Variants in CACNG7 observed in about 807,000 individuals in gnomAD.
The protein encoded by CACNG7 is voltage-dependent calcium channel gamma-7 subunit.
Under a neutral mutation model 26.3 loss-of-function variants are expected in CACNG7, and 9 were observed. The ratio of observed to expected loss-of-function variants is 0.34; its 90% CI spans 0.21 to 0.60. The LOEUF (loss-of-function observed/expected upper bound fraction) is 0.60. Ranked by LOEUF, CACNG7 falls within the 20% of genes least tolerant of loss-of-function variation. The probability of loss-of-function intolerance (pLI) is 0.81; values close to 1 mark genes in which losing one functional copy is unlikely to be tolerated. For missense variants in CACNG7, 297 were observed against 380.4 expected, an observed-to-expected ratio of 0.78 and a Z score of 1.82; for synonymous variants, 170 against 157.0, an observed-to-expected ratio of 1.08 and a Z score of -0.62.
chr19:53,921,273 T>TTGGTGGAGTTGCCCCAGGTCTGGTCAG (rs2068947770), intron 4 of CACNG7, among the ~76,000 whole-genome samples: 1 of 134,400 alleles, frequency 7.4e-6, no homozygotes, highest in African/African-American at 3.3e-5. Flanking sequence ...GGTCTGGTCA[T>TTGGTGGAGTTGCCCCAGGTCTGGTCAG]TGGTGGAGTT....
At chr19:53,928,953 A>T (rs1413033508) in intron 4 of CACNG7, among the ~76,000 whole-genome samples, 1 of 151,876 alleles carries the variant, frequency 6.6e-6, no homozygotes, top group Non-Finnish European at 1.5e-5. Context: ...TACTAAAAAT[A>T]CAAAAATTAG....
Position 53,914,573 on chromosome 19 carries a change from G to C in CACNG7, c.270G>C (p.Thr90=). The C allele has an allele frequency of 6.2e-7, 1 of 1,614,068 alleles. No homozygotes were observed. Among genetic ancestry groups the C allele is most frequent in the African/African-American group, 1.3e-5 (1 of 75,028 alleles). ...EPEINLVTEN[T]ENILKTVRTA... ...AGATCAATTTGGTGACGGAAAACACGGAGAATATTCTGAGTGAGGGGATGT... is the reference window on the plus strand; with the variant it reads ...AGATCAATTTGGTGACGGAAAACACCGAGAATATTCTGAGTGAGGGGATGT... Residue 90 remains threonine, a synonymous_variant, in exon 3 of 6, where the codon ACG becomes ACC. Transcript: ENST00000391767.
chr19:53,941,566 G>A lies in CACNG7; in HGVS notation c.521G>A (p.Arg174His), dbSNP rs1178914944. The stretch of plus-strand genomic sequence containing the variant: ...AGCTCTGAGCAGTATTTTCATTATC[G>A]CTACGGGTGGTCTTTTGCCTTCGCC... Reference protein sequence around the residue: ...PSSSEQYFHYRYGWSFAFAAS... With the variant: ...PSSSEQYFHYHYGWSFAFAAS... Residue 174 changes from arginine (R) to histidine (H), a missense_variant, in exon 5 of 6, where the codon CGC (arginine) becomes CAC (histidine). Coordinates refer to ENST00000391767, the MANE Select transcript of CACNG7 (RefSeq NM_031896.5). 7.4e-6 allele frequency: 12 copies of A among 1,610,874 alleles called. No homozygotes were observed. The highest frequency in any genetic ancestry group is 4.0e-5 in the African/African-American group (3 of 74,654).
At chr19:53,924,807 G>T (rs1345935125) in intron 4 of CACNG7, among the ~76,000 whole-genome samples, 7 of 143,916 alleles carry the variant, frequency 4.9e-5, no homozygotes, top group Non-Finnish European at 9.1e-5. Context: ...GTCATTGGTG[G>T]ACTTGCCCCA....
At chr19:53,910,291 C>G (rs1336442554) in intron 1 of CACNG7, among the ~76,000 whole-genome samples, 2 of 147,800 alleles carry the variant, frequency 1.4e-5, no homozygotes, top group Non-Finnish European at 3.0e-5. Flanking sequence ...CCTGAGCCGC[C>G]AGGCGGGGGA....
At position 53,913,047 on chromosome 19, in the gene CACNG7, T is replaced by C. The variant is rs778738834; in HGVS notation, c.196+20T>C. The stretch of plus-strand genomic sequence containing the variant: ...TTGCAGGTACAGCCCTCACCCGTCT[T>C]CCACTCAACAGTTTCTGCCTTGCCT... On this transcript the variant is annotated intron_variant, in intron 2 of 5. Coordinates refer to ENST00000391767, the MANE Select transcript of CACNG7 (RefSeq NM_031896.5). 6.3e-7 allele frequency: 1 copy of C among 1,596,578 alleles called. No individual in the cohort carries two copies. The highest frequency in any genetic ancestry group is 8.6e-7 in the Non-Finnish European group (1 of 1,166,604).
rs1483939012 is a variant in CACNG7, at chr19:53,912,401, G to A, written c.-29-402G>A. ...CAGCAGGTGAGGTTAGGTTTTGGCA[G>A]GGGGACCTGGTTCTGGGGTTAAGAA... On this transcript the variant is annotated intron_variant, in intron 1 of 5. Transcript: ENST00000391767. This position sits in a 1 kb window ranked among gnomAD's most constrained non-coding sequence, Gnocchi z 4.6. Among the ~76,000 whole-genome samples the A allele has an allele frequency of 6.6e-6, 1 of 152,194 alleles. No homozygotes were observed. Among genetic ancestry groups the A allele is most frequent in the Admixed American group, 6.5e-5 (1 of 15,284 alleles).
At chr19:53,941,988 G>A (rs951221763) in intron 5 of CACNG7, 48 bp from the exon 6 acceptor site, 1 of 1,523,564 alleles carries the variant, frequency 6.6e-7, no homozygotes, top group African/African-American at 1.4e-5. Flanking sequence ...CGGGGTCCGG[G>A]GATGCGCAGG....
intron 4 of CACNG7, among the ~76,000 whole-genome samples, chr19:53,922,753 G>GGTCATTGGTGGGGTTGTCCCAGGCTC (rs1449747269): frequency 1.5e-5 from 1 of 65,678 alleles, no homozygotes. Context: ...TCCCAGGTCT[G>GGTCATTGGTGGGGTTGTCCCAGGCTC]GTCATTGGTG....
At chr19:53,922,033 G>C (rs1221394362) in intron 4 of CACNG7, among the ~76,000 whole-genome samples, 2 of 93,828 alleles carry the variant, frequency 2.1e-5, no homozygotes, top group Admixed American at 9.7e-5. Context: ...GTCATTGGTG[G>C]AGTTGTCCCC....
chr19:53,913,358 A>G (rs2145896667), intron 2 of CACNG7, among the ~76,000 whole-genome samples: 1 of 151,878 alleles, frequency 6.6e-6, no homozygotes, highest in African/African-American at 2.4e-5. Context: ...GCGGTGGCTC[A>G]TGCCTGTAAT....
At chr19:53,913,441 G>A (rs1428847835) in intron 2 of CACNG7, among the ~76,000 whole-genome samples, 2 of 152,052 alleles carry the variant, frequency 1.3e-5, no homozygotes, top group East Asian at 1.9e-4. Flanking sequence ...GGCCGACATG[G>A]TGAAACCCCG....
chr19:53,928,292 G>A (rs533015550), intron 4 of CACNG7, among the ~76,000 whole-genome samples: 1 of 152,058 alleles, frequency 6.6e-6, no homozygotes, highest in East Asian at 1.9e-4. Flanking sequence ...TACTTATTGA[G>A]GCAGTGTCTT....
chr19:53,924,489 G>C (rs959557873), intron 4 of CACNG7, among the ~76,000 whole-genome samples: 3 of 149,010 alleles, frequency 2.0e-5, no homozygotes, highest in African/African-American at 7.5e-5. Flanking sequence ...GTCTGGTATT[G>C]GTGGAGTTGT....
At chr19:53,932,868 C>G (rs542374747) in intron 4 of CACNG7, among the ~76,000 whole-genome samples, 1 of 141,688 alleles carries the variant, frequency 7.1e-6, no homozygotes, top group East Asian at 2.1e-4. Context: ...GAGTTCCGCT[C>G]TTGTCGTCCA....
intron 4 of CACNG7, among the ~76,000 whole-genome samples, chr19:53,927,456 G>A (rs1026937451): frequency 2.6e-5 from 4 of 152,102 alleles, no homozygotes; most frequent in Admixed American, 6.6e-5. Flanking sequence ...AGTTGATGCC[G>A]AAAGGGTCAG....
intron 4 of CACNG7, among the ~76,000 whole-genome samples, chr19:53,917,066 G>A (rs967962540): frequency 5.9e-5 from 9 of 152,280 alleles, no homozygotes; most frequent in African/African-American, 2.2e-4. Flanking sequence ...CCGAAGTGCT[G>A]GGATTACAGG....
rs1181351314 is a variant in CACNG7 at position 53,940,159 on chromosome 19, T to G, written c.425-1311T>G. Among the ~76,000 whole-genome samples the G allele has an allele frequency of 2.0e-5, 3 of 152,196 alleles. No homozygotes were observed. The highest frequency in any genetic ancestry group is 2.0e-4 in the Admixed American group (3 of 15,278). ...AGCCACTCTTGGCATGGTTACTGTT[T>G]AGAGGAAATTTCATCTGGAGAAAAT... On this transcript the variant is annotated intron_variant, in intron 4 of 5. Transcript: ENST00000391767. The surrounding 1 kb of genome is among the most constrained non-coding windows in gnomAD (Gnocchi z 4.1).
At position 53,942,617 on chromosome 19, in the gene CACNG7, C is replaced by T; in HGVS notation, c.*324C>T. 8.3e-7 allele frequency: 1 copy of T among 1,201,744 alleles called. No homozygotes were observed. Among genetic ancestry groups the T allele is most frequent in the Non-Finnish European group, 1.0e-6 (1 of 958,884 alleles). The allele number at this position is 1,201,744 out of a possible 1,614,324, so 74.4% of individuals were successfully genotyped here. A position where few individuals can be genotyped will look rare whatever the true frequency, so the allele number is the denominator to read the frequency against. On this transcript the variant is annotated 3_prime_UTR_variant, in exon 6 of 6. Transcript: ENST00000391767. This position sits in a 1 kb window ranked among gnomAD's most constrained non-coding sequence, Gnocchi z 5.9. ...TCCCTCGTTCTCCACCTGCTCTGAG[C>T]TGGGAGCAGCCAGAGGCGGTGCAAG...
Sources: allele counts gnomAD v4.1 joint callset (sites outside exome capture counted in the v4.1 genomes callset), GRCh38; gene constraint gnomAD v4.1.1; non-coding constraint Gnocchi (gnomAD v3.1); transcripts MANE v1.5; gene names NCBI Gene and HGNC (gene_info 2026-07-23, HGNC 2026-07-21).